Variants in UBE2G1 observed in about 807,000 individuals in gnomAD.
The protein encoded by UBE2G1 is ubiquitin-conjugating enzyme E2 G1.
UBE2G1 carries 5 observed loss-of-function variants against 22.7 expected under a neutral mutation model. That is an observed-to-expected ratio of 0.22 (90% confidence interval 0.12 to 0.46). The LOEUF (loss-of-function observed/expected upper bound fraction) is 0.46. Ranked by LOEUF, UBE2G1 falls within the 20% of genes least tolerant of loss-of-function variation. UBE2G1 has a pLI of 0.99. For missense variants in UBE2G1, 88 were observed against 203.9 expected, an observed-to-expected ratio of 0.43 and a Z score of 3.46; for synonymous variants, 74 against 67.5, an observed-to-expected ratio of 1.10 and a Z score of -0.47.
At chr17:4,302,397 T>C (rs1969193869) in intron 2 of UBE2G1, 2 of 502,722 alleles carry the variant, frequency 4.0e-6, no homozygotes, top group South Asian at 1.5e-5. Context: ...GAATCTCCTA[T>C]TCATCGCTTG....
intron 3 of UBE2G1, among the ~76,000 whole-genome samples, chr17:4,290,606 G>T (rs1969021856): frequency 6.6e-6 from 1 of 151,136 alleles, no homozygotes; most frequent in East Asian, 2.0e-4. Context: ...CAAGTAGCTG[G>T]GACCATGGGC....
chr17:4,340,551 GT>G (rs1203111696), intron 1 of UBE2G1, among the ~76,000 whole-genome samples: 1 of 152,074 alleles, frequency 6.6e-6, no homozygotes, highest in Non-Finnish European at 1.5e-5. Flanking sequence ...AGATCTGATG[GT>G]TTTATAAGGT....
At chr17:4,324,969 C>T (rs1175599429) in intron 1 of UBE2G1, among the ~76,000 whole-genome samples, 2 of 151,814 alleles carry the variant, frequency 1.3e-5, no homozygotes, top group East Asian at 1.9e-4. Flanking sequence ...CCCAGCTACT[C>T]GGGAGGCTGA....
intron 1 of UBE2G1, among the ~76,000 whole-genome samples, chr17:4,338,784 C>T (rs569591819): frequency 3.3e-5 from 5 of 152,248 alleles, no homozygotes; most frequent in Non-Finnish European, 7.4e-5. Context: ...GAATAGATGC[C>T]GATCAATCAG....
At chr17:4,333,411 C>T (rs1034205341) in intron 1 of UBE2G1, among the ~76,000 whole-genome samples, 1 of 152,158 alleles carries the variant, frequency 6.6e-6, no homozygotes. Flanking sequence ...GGCACGGTGG[C>T]TCTGTCTGTG....
At chr17:4,297,493 G>C (rs1160301447) in intron 2 of UBE2G1, among the ~76,000 whole-genome samples, 1 of 152,098 alleles carries the variant, frequency 6.6e-6, no homozygotes, top group Non-Finnish European at 1.5e-5. Context: ...TGCTATTTTA[G>C]ACAATACACC....
intron 1 of UBE2G1, among the ~76,000 whole-genome samples, chr17:4,361,681 G>GT (rs1184954000): frequency 6.6e-6 from 1 of 152,064 alleles, no homozygotes; most frequent in Non-Finnish European, 1.5e-5. Flanking sequence ...GCTCATGCCT[G>GT]TAATTCCAGC....
At chr17:4,330,470 G>A (rs1969560090) in intron 1 of UBE2G1, among the ~76,000 whole-genome samples, 1 of 152,120 alleles carries the variant, frequency 6.6e-6, no homozygotes, top group Non-Finnish European at 1.5e-5. Context: ...AGTCGCGGTG[G>A]CTCATGCCTG....
intron 1 of UBE2G1, among the ~76,000 whole-genome samples, chr17:4,350,760 T>C (rs1480928980): frequency 6.6e-6 from 1 of 152,028 alleles, no homozygotes; most frequent in African/African-American, 2.4e-5. Flanking sequence ...AGGCTGGACG[T>C]GTTGGCTCAC....
At position 4,306,939 on chromosome 17, in the gene UBE2G1, C is replaced by T. The variant is rs138350196; in HGVS notation, c.149+82G>A. Reference sequence around the variant, plus strand: ...TGCTGGGATTACAGGTGTGAGCCACCGTGCCCAGCCTGCCAAAATAGTTTT... The same window carrying T: ...TGCTGGGATTACAGGTGTGAGCCACTGTGCCCAGCCTGCCAAAATAGTTTT... On this transcript the variant is annotated intron_variant, in intron 2 of 5. Coordinates refer to ENST00000396981, the MANE Select transcript of UBE2G1 (RefSeq NM_003342.5). 859 of 1,317,136 alleles carry T rather than the reference C, an allele frequency of 6.5e-4. 4 individuals are homozygous for T. The African/African-American group carries it at 0.011, about 16-fold the overall frequency. 81.6% of individuals were successfully genotyped at this position (1,317,136 alleles called of 1,614,324 possible).
intron 2 of UBE2G1, among the ~76,000 whole-genome samples, chr17:4,299,141 T>C (rs548826053): frequency 1.3e-5 from 2 of 152,372 alleles, no homozygotes; most frequent in African/African-American, 2.4e-5. Context: ...GTTTCAGTTA[T>C]ATAATCTATG....
intron 1 of UBE2G1, among the ~76,000 whole-genome samples, chr17:4,316,743 G>T (rs953295861): frequency 6.6e-6 from 1 of 151,924 alleles, no homozygotes; most frequent in Non-Finnish European, 1.5e-5. Context: ...TCAGTGCTTT[G>T]GGAGGTCAAG....
At chr17:4,338,554 T>C (rs1969675875) in intron 1 of UBE2G1, among the ~76,000 whole-genome samples, 1 of 152,202 alleles carries the variant, frequency 6.6e-6, no homozygotes, top group Non-Finnish European at 1.5e-5. Flanking sequence ...TTTATTAAAC[T>C]ATCCTATGAA....
intron 5 of UBE2G1, among the ~76,000 whole-genome samples, chr17:4,279,785 TTATATATA>T (rs71144177): frequency 0.014 from 944 of 68,684 alleles, 37 homozygotes; most frequent in African/African-American, 0.028. Flanking sequence ...CAAAAAAAAG[TTATATATA>T]TATATATATA....
At chr17:4,316,655 C>A (rs1161075844) in intron 1 of UBE2G1, among the ~76,000 whole-genome samples, 1 of 151,830 alleles carries the variant, frequency 6.6e-6, no homozygotes, top group Admixed American at 6.6e-5. Context: ...TTATTTGTAC[C>A]ACGACACGGG....
intron 1 of UBE2G1, among the ~76,000 whole-genome samples, chr17:4,315,511 C>T (rs1371328222): frequency 6.6e-6 from 1 of 151,808 alleles, no homozygotes; most frequent in Non-Finnish European, 1.5e-5. Context: ...GAGGCTGAGA[C>T]GGGCGGATCA....
In UBE2G1 at chr17:4,302,634, C is replaced by T; in HGVS notation, c.149+4387G>A. 5.8e-6 allele frequency: 2 copies of T among 343,592 alleles called. 1 individual carries two copies. The highest frequency in any genetic ancestry group is 5.7e-5 in the South Asian group (2 of 34,880). The allele number at this position is 343,592 out of a possible 1,614,324, so 21.3% of individuals were successfully genotyped here. A position where few individuals can be genotyped will look rare whatever the true frequency, so the allele number is the denominator to read the frequency against. Reference sequence around the variant, plus strand: ...GTCTTACTCTATTTTGTGAATCATGCCCAGGGTGAGAACCTAAATTATTCC... The same window carrying T: ...GTCTTACTCTATTTTGTGAATCATGTCCAGGGTGAGAACCTAAATTATTCC... On this transcript the variant is annotated intron_variant, in intron 2 of 5. Coordinates refer to ENST00000396981, the MANE Select transcript of UBE2G1 (RefSeq NM_003342.5).
chr17:4,315,837 C>T (rs1253269263), intron 1 of UBE2G1, among the ~76,000 whole-genome samples: 3 of 138,602 alleles, frequency 2.2e-5, no homozygotes, highest in East Asian at 2.1e-4. Flanking sequence ...GACGGAGTCT[C>T]GCTCTGTAGC....
chr17:4,304,401 G>A (rs572034319), intron 2 of UBE2G1, among the ~76,000 whole-genome samples: 1 of 152,244 alleles, frequency 6.6e-6, no homozygotes, highest in East Asian at 1.9e-4. Flanking sequence ...AAAACAGTTG[G>A]TATACCACAC....
Sources: allele counts gnomAD v4.1 joint callset (sites outside exome capture counted in the v4.1 genomes callset), GRCh38; gene constraint gnomAD v4.1.1; transcripts MANE v1.5; gene names NCBI Gene and HGNC (gene_info 2026-07-23, HGNC 2026-07-21).